Variants in CXCL13 observed in about 807,000 individuals in gnomAD.
The protein encoded by CXCL13 is C-X-C motif chemokine ligand 13.
A neutral mutation model predicts 12.2 loss-of-function variants in CXCL13; 7 were observed. The observed-to-expected ratio is 0.57, with a 90% CI of 0.33 to 1.07. CXCL13 has a LOEUF of 1.07. Among genes scored for constraint, CXCL13 ranks in the 50% least tolerant of loss-of-function variants. The pLI is 0.04. For synonymous variants in CXCL13, 47 were observed against 42.4 expected (o/e 1.11, Z -0.42); for missense variants, 113 against 127.4 (o/e 0.89, Z 0.55).
chr4:77,546,596 C>T (rs1725371264), intron 1 of CXCL13, among the ~76,000 whole-genome samples: 1 of 151,960 alleles, frequency 6.6e-6, no homozygotes, highest in Non-Finnish European at 1.5e-5. Context: ...TGGTGATATC[C>T]CCTTTATCAT....
intron 1 of CXCL13, among the ~76,000 whole-genome samples, chr4:77,559,456 G>A (rs893003622): frequency 2.6e-5 from 4 of 152,108 alleles, no homozygotes; most frequent in African/African-American, 9.7e-5. Flanking sequence ...CCTTGAGAAG[G>A]GTGGCTGTCT....
intron 1 of CXCL13, among the ~76,000 whole-genome samples, chr4:77,532,323 G>A (rs953115406): frequency 6.6e-6 from 1 of 152,120 alleles, no homozygotes; most frequent in Non-Finnish European, 1.5e-5. Flanking sequence ...TTTGGCTGGA[G>A]ATGAAATTCT....
intron 1 of CXCL13, among the ~76,000 whole-genome samples, chr4:77,597,959 A>T (rs1200925726): frequency 1.3e-5 from 2 of 152,224 alleles, no homozygotes; most frequent in Non-Finnish European, 2.9e-5. Flanking sequence ...TTGGCAAGCC[A>T]CTAAAGCAGC....
chr4:77,525,639 A>T (rs1435629503), intron 1 of CXCL13, among the ~76,000 whole-genome samples: 1 of 152,110 alleles, frequency 6.6e-6, no homozygotes, highest in Non-Finnish European at 1.5e-5. Context: ...AAAAGTGAAC[A>T]CAGAATTGAA....
Position 77,515,697 on chromosome 4 carries a change from A to G in CXCL13, c.-43+3909A>G, listed in dbSNP as rs113878597. ...TGCTGAAGTTGCTTATCAGCTTAAGAAGATTTTGGGCTGAGACATTGGGAT... is the reference window on the plus strand; with the variant it reads ...TGCTGAAGTTGCTTATCAGCTTAAGGAGATTTTGGGCTGAGACATTGGGAT... On this transcript the variant is annotated intron_variant, in intron 1 of 4. Coordinates refer to the CXCL13 transcript ENST00000286758. Among the ~76,000 whole-genome samples the G allele has an allele frequency of 8.1e-5, 11 of 135,676 alleles. 2 individuals are homozygous for G. The highest frequency in any genetic ancestry group is 2.7e-4 in the African/African-American group (11 of 40,318). 89.0% of individuals were successfully genotyped at this position (135,676 alleles called of 152,430 possible).
At chr4:77,565,768 G>T (rs149964934) in intron 1 of CXCL13, among the ~76,000 whole-genome samples, 3 of 152,210 alleles carry the variant, frequency 2.0e-5, no homozygotes, top group Non-Finnish European at 2.9e-5. Context: ...TCTACCTCAT[G>T]TTACAGAGGC....
intron 1 of CXCL13, among the ~76,000 whole-genome samples, chr4:77,539,770 C>T (rs1415120501): frequency 1.3e-5 from 2 of 152,138 alleles, no homozygotes; most frequent in African/African-American, 4.8e-5. Flanking sequence ...TCCCTGGTGC[C>T]AGCTGCAACC....
chr4:77,567,702 A>G (rs546147336), intron 1 of CXCL13, among the ~76,000 whole-genome samples: 1 of 152,182 alleles, frequency 6.6e-6, no homozygotes, highest in Non-Finnish European at 1.5e-5. Flanking sequence ...TAATTATAGT[A>G]TATTACCATG....
intron 1 of CXCL13, among the ~76,000 whole-genome samples, chr4:77,528,216 G>A (rs546205681): frequency 3.3e-5 from 5 of 152,226 alleles, no homozygotes; most frequent in African/African-American, 1.2e-4. Context: ...CTTTGCTATT[G>A]TGAATAGTGC....
intron 1 of CXCL13, among the ~76,000 whole-genome samples, chr4:77,580,624 C>A: frequency 6.6e-6 from 1 of 151,782 alleles, no homozygotes; most frequent in East Asian, 1.9e-4. Context: ...CATGCCCAGC[C>A]GGGCTCTTAT....
intron 1 of CXCL13, among the ~76,000 whole-genome samples, chr4:77,557,453 T>C (rs1002107356): frequency 6.6e-6 from 1 of 152,214 alleles, no homozygotes. Context: ...AACCTCCCAA[T>C]CAGGCATCCT....
intron 1 of CXCL13, among the ~76,000 whole-genome samples, chr4:77,539,050 C>A (rs1725138344): frequency 6.9e-6 from 1 of 145,560 alleles, no homozygotes; most frequent in Non-Finnish European, 1.5e-5. Context: ...ACAGTTTGAC[C>A]TAATTTGACC....
At chr4:77,593,780 A>G (rs1465370543) in intron 1 of CXCL13, among the ~76,000 whole-genome samples, 2 of 152,220 alleles carry the variant, frequency 1.3e-5, no homozygotes, top group African/African-American at 4.8e-5. Context: ...GCAGAGAAGA[A>G]CATATGTCAC....
At chr4:77,531,953 A>T (rs1301072926) in intron 1 of CXCL13, among the ~76,000 whole-genome samples, 2 of 152,038 alleles carry the variant, frequency 1.3e-5, no homozygotes, top group East Asian at 1.9e-4. Flanking sequence ...GGTACGTGAG[A>T]TGGGTTTCCT....
intron 1 of CXCL13, among the ~76,000 whole-genome samples, chr4:77,531,754 G>T (rs1360091457): frequency 6.6e-6 from 1 of 152,086 alleles, no homozygotes; most frequent in Non-Finnish European, 1.5e-5. Context: ...TATATATTTA[G>T]GATAGTTAGC....
intron 1 of CXCL13, among the ~76,000 whole-genome samples, chr4:77,567,947 A>ATTCCTTTACT (rs1202979140): frequency 6.6e-6 from 1 of 152,160 alleles, no homozygotes; most frequent in African/African-American, 2.4e-5. Flanking sequence ...CCATTCTTTT[A>ATTCCTTTACT]TTCCTTTACT....
intron 1 of CXCL13, among the ~76,000 whole-genome samples, chr4:77,593,197 A>G (rs1021973624): frequency 1.3e-5 from 2 of 152,230 alleles, no homozygotes; most frequent in Non-Finnish European, 2.9e-5. Context: ...AGAAACTGAA[A>G]AGCACACTCT....
intron 1 of CXCL13, among the ~76,000 whole-genome samples, chr4:77,534,023 T>A (rs1418822550): frequency 6.6e-6 from 1 of 152,194 alleles, no homozygotes; most frequent in Non-Finnish European, 1.5e-5. Flanking sequence ...TCATGCTTGG[T>A]GCACTGCACC....
At chr4:77,553,100 GGT>G (rs1725572886) in intron 1 of CXCL13, among the ~76,000 whole-genome samples, 2 of 152,174 alleles carry the variant, frequency 1.3e-5, no homozygotes, top group South Asian at 2.1e-4. Context: ...GTAGCAGATT[GGT>G]GTACCCAGCA....
Sources: allele counts gnomAD v4.1 joint callset (sites outside exome capture counted in the v4.1 genomes callset), GRCh38; gene constraint gnomAD v4.1.1; transcripts MANE v1.5; gene names NCBI Gene and HGNC (gene_info 2026-07-23, HGNC 2026-07-21).